Variants in PTPRT observed in about 807,000 individuals in gnomAD.
The protein encoded by PTPRT is protein tyrosine phosphatase receptor type T, also known as receptor-type tyrosine-protein phosphatase T.
A neutral mutation model predicts 176.8 loss-of-function variants in PTPRT; 56 were observed. That is an observed-to-expected ratio of 0.32 (90% CI 0.26 to 0.40). The LOEUF (loss-of-function observed/expected upper bound fraction) is 0.40, where lower values mean the gene tolerates loss of function less well. Ranked by LOEUF, PTPRT falls within the 10% of genes least tolerant of loss-of-function variation. PTPRT has a pLI of 1.00. For synonymous variants in PTPRT, 783 were observed against 739.0 expected (o/e 1.06, Z -0.96); for missense variants, 1,540 against 1,908.2 (o/e 0.81, Z 3.60).
intron 19 of PTPRT, among the ~76,000 whole-genome samples, chr20:42,122,001 A>T (rs1026672867): frequency 3.3e-5 from 5 of 152,142 alleles, no homozygotes; most frequent in Admixed American, 6.5e-5. Flanking sequence ...AATCGTAGAC[A>T]TTGGTGACTC....
intron 15 of PTPRT, among the ~76,000 whole-genome samples, chr20:42,226,368 A>G (rs962787127): frequency 1.3e-5 from 2 of 152,232 alleles, no homozygotes; most frequent in Non-Finnish European, 2.9e-5. Flanking sequence ...GGAGCCAGGA[A>G]GCTCAGGGCT....
intron 1 of PTPRT, among the ~76,000 whole-genome samples, chr20:42,892,271 GA>G (rs1171768638): frequency 6.6e-6 from 1 of 152,086 alleles, no homozygotes; most frequent in Non-Finnish European, 1.5e-5. Context: ...CTGCCATTTT[GA>G]TTGTACCATT....
rs866720278 is a variant in PTPRT at position 42,620,118 on chromosome 20, C to T, written c.1153+57748G>A. ...TGATGGTGATGTACAGATGGGTTTT[C>T]GGTGTGGATGTCCTTTCTGTTTGTT... On this transcript the variant is annotated intron_variant, in intron 7 of 30. Transcript: ENST00000373187. Among the ~76,000 whole-genome samples, 561 of 147,154 alleles carry T rather than the reference C, an allele frequency of 3.8e-3. 5 individuals are homozygous for T. Among genetic ancestry groups the T allele is most frequent in the African/African-American group, 0.013 (522 of 38,686 alleles).
Position 43,020,110 on chromosome 20 carries a change from GTA to G in PTPRT, c.89-134180_89-134179del, listed in dbSNP as rs955597456. Among the ~76,000 whole-genome samples the G allele has an allele frequency of 2.5e-3, 316 of 124,512 alleles. 2 individuals are homozygous for G. Among genetic ancestry groups the G allele is most frequent in the African/African-American group, 9.1e-3 (208 of 22,758 alleles). The allele number at this position is 124,512 out of a possible 152,430, so 81.7% of individuals were successfully genotyped here. Reference sequence around the variant, plus strand: ...AGTGTGTATGTGTGTGTGTGTGTGTGTATATATATATATATATACATATGCAT... The same window carrying G: ...AGTGTGTATGTGTGTGTGTGTGTGTGTATATATATATATATACATATGCAT... On this transcript the variant is annotated intron_variant, in intron 1 of 30. Coordinates refer to ENST00000373187, the MANE Select transcript of PTPRT (RefSeq NM_007050.6).
Position 42,104,656 on chromosome 20 carries a change from G to A in PTPRT, c.3453C>T (p.Ile1151=). The change falls in exon 25 of 31, where the codon ATC becomes ATT. Residue 1151 remains isoleucine, a synonymous_variant. Coordinates refer to ENST00000373187, the MANE Select transcript of PTPRT (RefSeq NM_007050.6). ...AGAGAGAACGGAACTCACACACAGG[G>A]ATGGCAGTGTTGCCACAGAGGCACG... is the stretch of plus-strand genomic sequence containing the variant. ...LEACLCGNTA[I]PVCEFRSLYY... is the part of the protein sequence containing the mutation. The A allele has an allele frequency of 6.3e-7, 1 of 1,598,252 alleles. No individual in the cohort carries two copies. The highest frequency in any genetic ancestry group is 1.1e-5 in the South Asian group (1 of 90,756).
intron 1 of PTPRT, among the ~76,000 whole-genome samples, chr20:43,032,471 A>AT (rs1349663874): frequency 4.9e-5 from 6 of 121,716 alleles, no homozygotes; most frequent in East Asian, 2.1e-4. Flanking sequence ...AAATCTTTTC[A>AT]TTAAAAAAAA....
At chr20:42,783,060 CA>C (rs1168987750) in intron 3 of PTPRT, among the ~76,000 whole-genome samples, 1 of 151,976 alleles carries the variant, frequency 6.6e-6, no homozygotes, top group Non-Finnish European at 1.5e-5. Context: ...GGCTCAGTTG[CA>C]AAAAAATCAT....
intron 7 of PTPRT, among the ~76,000 whole-genome samples, chr20:42,496,190 C>T (rs1049784607): frequency 2.0e-5 from 3 of 152,004 alleles, no homozygotes; most frequent in African/African-American, 4.8e-5. Context: ...GAAGAGGGGT[C>T]GGCTTTGCTG....
At chr20:42,794,069 C>T (rs57156610) in intron 2 of PTPRT, among the ~76,000 whole-genome samples, 2 of 152,190 alleles carry the variant, frequency 1.3e-5, no homozygotes, top group Non-Finnish European at 1.5e-5. Flanking sequence ...AGTTCATGAT[C>T]CCACTTCTTT....
rs570666471 is a variant in PTPRT at position 42,372,037 on chromosome 20, T to TG, written c.1561-19753dup. Among the ~76,000 whole-genome samples the TG allele has an allele frequency of 1.3e-4, 20 of 152,224 alleles. No homozygotes were observed. In the East Asian group the frequency reaches 3.5e-3, roughly 26 times the overall value. ...CTAGTCTTCAGGCTATTTTGGGTACTGGGGGGAGAGTGGAGTCACCCTGTA... is the reference window on the plus strand; with the variant it reads ...CTAGTCTTCAGGCTATTTTGGGTACTGGGGGGGAGAGTGGAGTCACCCTGTA... On this transcript the variant is annotated intron_variant, in intron 9 of 30. Transcript: ENST00000373187.
chr20:42,377,521 C>A (rs912846327), intron 9 of PTPRT, among the ~76,000 whole-genome samples: 1 of 152,230 alleles, frequency 6.6e-6, no homozygotes, highest in Non-Finnish European at 1.5e-5. Flanking sequence ...GCATTTCAAA[C>A]ACATTCCCAG....
chr20:42,531,089 T>C (rs2072375327), intron 7 of PTPRT, among the ~76,000 whole-genome samples: 2 of 152,262 alleles, frequency 1.3e-5, no homozygotes, highest in African/African-American at 4.8e-5. Context: ...AAGCTATCTT[T>C]CTTTGTAATC....
chr20:43,001,482 CAA>C (rs11345196), intron 1 of PTPRT, among the ~76,000 whole-genome samples: 1 of 146,148 alleles, frequency 6.8e-6, no homozygotes, highest in African/African-American at 2.5e-5. Context: ...ATAACAACAA[CAA>C]AAAAAAAACA....
chr20:42,779,848 TG>T (rs1487818174), intron 4 of PTPRT, among the ~76,000 whole-genome samples: 2 of 94,910 alleles, frequency 2.1e-5, no homozygotes, highest in Non-Finnish European at 3.0e-5. Context: ...GGTGGTGGTG[TG>T]TTTTTTTTTT....
intron 6 of PTPRT, among the ~76,000 whole-genome samples, chr20:42,726,505 T>C (rs2076383551): frequency 6.6e-6 from 1 of 152,220 alleles, no homozygotes; most frequent in African/African-American, 2.4e-5. Flanking sequence ...GCAGCAATGT[T>C]GCCTACGGGC....
intron 5 of PTPRT, among the ~76,000 whole-genome samples, chr20:42,769,805 A>G (rs1046475188): frequency 1.3e-5 from 2 of 152,268 alleles, no homozygotes; most frequent in Non-Finnish European, 2.9e-5. Context: ...AAAGTAAGAA[A>G]TACTGTTACA....
intron 2 of PTPRT, among the ~76,000 whole-genome samples, chr20:42,846,079 C>T (rs914100721): frequency 7.2e-5 from 11 of 152,186 alleles, no homozygotes; most frequent in African/African-American, 2.4e-4. Flanking sequence ...CGCCCACCAC[C>T]CACCAGCCTC....
chr20:42,562,530 T>C (rs775662204), intron 7 of PTPRT, among the ~76,000 whole-genome samples: 18 of 152,356 alleles, frequency 1.2e-4, no homozygotes, highest in Non-Finnish European at 2.6e-4. Flanking sequence ...TTGTTTTCAT[T>C]TGGAGACTAT....
rs63617763 is a variant in PTPRT, at chr20:43,151,335, A to G, written c.88+38311T>C. 6.8e-5 allele frequency among the ~76,000 whole-genome samples: 7 copies of G among 103,328 alleles called. No homozygotes were observed. The South Asian group carries it at 1.6e-3, about 23-fold the overall frequency. The allele number at this position is 103,328 out of a possible 152,430, so 67.8% of individuals were successfully genotyped here. On this transcript the variant is annotated intron_variant, in intron 1 of 30. Transcript: ENST00000373187. ...TCTCAAACAAAAAAAAAAAAAAAAAAGGCATGGACTCCATGGCATAGGAAC... is the reference window on the plus strand; with the variant it reads ...TCTCAAACAAAAAAAAAAAAAAAAAGGGCATGGACTCCATGGCATAGGAAC...
Sources: allele counts gnomAD v4.1 joint callset (sites outside exome capture counted in the v4.1 genomes callset), GRCh38; gene constraint gnomAD v4.1.1; transcripts MANE v1.5; gene names NCBI Gene and HGNC (gene_info 2026-07-23, HGNC 2026-07-21).